Variants in EPHA4 observed in about 807,000 individuals in gnomAD.
EPHA4 encodes EPH receptor A4, also known as ephrin type-A receptor 4.
Under a neutral mutation model 108.3 loss-of-function variants are expected in EPHA4, and 19 were observed. That is an observed-to-expected ratio of 0.18 (90% CI 0.12 to 0.26). EPHA4 has a LOEUF of 0.26. EPHA4 is among the 10% of genes least tolerant of loss of function. EPHA4 has a pLI of 1.00. For missense variants in EPHA4, 917 were observed against 1,254.0 expected, an observed-to-expected ratio of 0.73 and a Z score of 4.06; for synonymous variants, 449 against 455.5, an observed-to-expected ratio of 0.99 and a Z score of 0.18.
At chr2:221,543,955 A>C (rs1021787214) in intron 3 of EPHA4, among the ~76,000 whole-genome samples, 1 of 152,208 alleles carries the variant, frequency 6.6e-6, no homozygotes, top group Non-Finnish European at 1.5e-5. Context: ...GTACGAGATC[A>C]AAGCAAAGTC....
At chr2:221,538,834 A>G (rs902088464) in intron 3 of EPHA4, among the ~76,000 whole-genome samples, 1 of 152,200 alleles carries the variant, frequency 6.6e-6, no homozygotes, top group South Asian at 2.1e-4. Flanking sequence ...ACATTTTTAC[A>G]TTTTCCTTTT....
At position 221,434,198 on chromosome 2, in the gene EPHA4, T is replaced by C. The variant is rs1690162639; in HGVS notation, c.2440A>G (p.Met814Val). Residue 814 changes from methionine to valine, a missense_variant, in exon 14 of 18, where the codon ATG becomes GTG. Coordinates refer to ENST00000281821, the MANE Select transcript of EPHA4 (RefSeq NM_004438.5). Reference sequence around the variant, plus strand: ...TCCCCGTACGACATCACTTCCCACATAACGATTCCATAGCTCCATACATCA... The same window carrying C: ...TCCCCGTACGACATCACTTCCCACACAACGATTCCATAGCTCCATACATCA... ...ASDVWSYGIV[M>V]WEVMSYGERP... The C allele has an allele frequency of 1.2e-6, 2 of 1,614,202 alleles. No individual in the cohort carries two copies. Among genetic ancestry groups the C allele is most frequent in the Non-Finnish European group, 1.7e-6 (2 of 1,180,014 alleles).
At chr2:221,498,063 T>C (rs1284828138) in intron 4 of EPHA4, among the ~76,000 whole-genome samples, 1 of 152,208 alleles carries the variant, frequency 6.6e-6, no homozygotes, top group African/African-American at 2.4e-5. Flanking sequence ...CATCAAATGT[T>C]CCAGCAACAC....
intron 5 of EPHA4, among the ~76,000 whole-genome samples, chr2:221,461,993 T>TTG: frequency 6.6e-6 from 1 of 151,114 alleles, no homozygotes; most frequent in Admixed American, 6.6e-5. Flanking sequence ...TTCTTTTTTT[T>TTG]TTTTTTTTAC....
intron 15 of EPHA4, among the ~76,000 whole-genome samples, chr2:221,427,688 T>G (rs943994881): frequency 6.6e-6 from 1 of 152,182 alleles, no homozygotes; most frequent in African/African-American, 2.4e-5. Context: ...ATACTATGTT[T>G]AAGTACAAAC....
intron 5 of EPHA4, among the ~76,000 whole-genome samples, chr2:221,473,604 G>A (rs947710753): frequency 9.5e-5 from 14 of 147,884 alleles, no homozygotes; most frequent in African/African-American, 2.5e-4. Flanking sequence ...GGGGGTTAAT[G>A]GAAGCTTTGA....
chr2:221,483,429 T>C (rs1351449178), intron 4 of EPHA4, among the ~76,000 whole-genome samples: 1 of 152,008 alleles, frequency 6.6e-6, no homozygotes, highest in Admixed American at 6.6e-5. Context: ...TACTGGTTGG[T>C]TAAAAAATAA....
chr2:221,523,450 G>A (rs982329257), intron 3 of EPHA4, among the ~76,000 whole-genome samples: 10 of 152,022 alleles, frequency 6.6e-5, no homozygotes, highest in Non-Finnish European at 1.5e-4. Flanking sequence ...ACCACGCCCA[G>A]CTAATTTTGT....
chr2:221,496,727 G>A (rs1346159242), intron 4 of EPHA4, among the ~76,000 whole-genome samples: 1 of 152,154 alleles, frequency 6.6e-6, no homozygotes, highest in Non-Finnish European at 1.5e-5. Context: ...GGCCAACATG[G>A]TGAAACCCTA....
intron 3 of EPHA4, among the ~76,000 whole-genome samples, chr2:221,512,024 T>C (rs879725689): frequency 4.6e-5 from 7 of 152,200 alleles, no homozygotes; most frequent in Non-Finnish European, 1.0e-4. Flanking sequence ...AAAATGATTA[T>C]GACTTTAGTA....
chr2:221,529,624 T>C (rs1484197699), intron 3 of EPHA4, among the ~76,000 whole-genome samples: 6 of 152,212 alleles, frequency 3.9e-5, no homozygotes. Context: ...GAGAGGTCAT[T>C]ATCACATGTT....
chr2:221,540,079 C>T (rs1016322733), intron 3 of EPHA4, among the ~76,000 whole-genome samples: 1 of 152,058 alleles, frequency 6.6e-6, no homozygotes, highest in African/African-American at 2.4e-5. Flanking sequence ...GCCACCATGC[C>T]CAGCTATTTT....
Position 221,572,204 on chromosome 2 carries a change from C to T in EPHA4, c.45G>A (p.Gly15=), listed in dbSNP as rs758415725. The stretch of plus-strand genomic sequence containing the variant: ...TGGAACCTGTGACAGCGTCGCAAAT[C>T]CCGAAGAGACACGAAAATAGGGCGA... The part of the protein sequence containing the change: ...FYFALFSCLF[G]ICDAVTGSRV... The change falls in exon 1 of 18, where the codon GGG becomes GGA. Residue 15 remains glycine (G), a synonymous_variant. Coordinates refer to ENST00000281821, the MANE Select transcript of EPHA4 (RefSeq NM_004438.5). The T allele has an allele frequency of 1.2e-6, 2 of 1,614,178 alleles. No homozygotes were observed. Among genetic ancestry groups the T allele is most frequent in the Admixed American group, 3.3e-5 (2 of 60,028 alleles).
At chr2:221,475,157 C>T (rs970754487) in intron 5 of EPHA4, among the ~76,000 whole-genome samples, 5 of 152,182 alleles carry the variant, frequency 3.3e-5, no homozygotes, top group East Asian at 1.9e-4. Context: ...AGGCGTGAGC[C>T]GCTGCACCAG....
chr2:221,469,156 C>T lies in EPHA4; in HGVS notation c.1319-11166G>A, dbSNP rs376784611. On this transcript the variant is annotated intron_variant, in intron 5 of 17. Transcript: ENST00000281821. ...GAAAAGAGTATGTGTTGGATGAATC[C>T]TTCTGAATTCCATGTTTTGAAATTT... Among the ~76,000 whole-genome samples the T allele has an allele frequency of 3.9e-5, 6 of 152,244 alleles. No homozygotes were observed. In the East Asian group the frequency reaches 1.2e-3, roughly 29 times the overall value.
chr2:221,572,374 G>T (rs1694872997), upstream of EPHA4: 2 of 790,370 alleles, frequency 2.5e-6, no homozygotes, highest in Non-Finnish European at 4.0e-6. Flanking sequence ...GAGCCCGCCA[G>T]TCCGGGGCCC....
chr2:221,501,366 T>C (rs909961848), intron 3 of EPHA4, 194 bp from the exon 4 acceptor site: 12 of 456,890 alleles, frequency 2.6e-5, no homozygotes, highest in Non-Finnish European at 1.1e-5. Context: ...GCCATTAACA[T>C]TCCTGGTCAG....
intron 3 of EPHA4, among the ~76,000 whole-genome samples, chr2:221,527,112 A>T (rs1693356695): frequency 6.6e-6 from 1 of 152,110 alleles, no homozygotes; most frequent in Non-Finnish European, 1.5e-5. Context: ...CAACAGAGTG[A>T]GACTCTGTCT....
intron 3 of EPHA4, among the ~76,000 whole-genome samples, chr2:221,561,055 A>C (rs1694447369): frequency 6.6e-6 from 1 of 152,186 alleles, no homozygotes; most frequent in Non-Finnish European, 1.5e-5. Flanking sequence ...ATCCTGGCTA[A>C]CACGGTGAAA....
Sources: gnomAD v4.1 joint callset for allele counts (sites outside exome capture counted in the v4.1 genomes callset) on GRCh38, gnomAD v4.1.1 for gene constraint, MANE v1.5 for transcripts, NCBI Gene and HGNC (gene_info 2026-07-23, HGNC 2026-07-21) for gene names.